The following MYO6 variants were observed in gnomAD, a reference collection of about 807,000 sequenced individuals.
MYO6 encodes the protein myosin VI.
MYO6 carries 74 observed loss-of-function variants against 178.7 expected under a neutral mutation model. The observed-to-expected ratio is 0.41, with a 90% CI of 0.34 to 0.50. The LOEUF is 0.50. Among genes scored for constraint, MYO6 ranks in the 20% least tolerant of loss-of-function variants. The probability of loss-of-function intolerance (pLI) is 0.09; values close to 1 mark genes in which losing one functional copy is unlikely to be tolerated. For synonymous variants in MYO6, 477 were observed against 504.6 expected (o/e 0.95, Z 0.73); for missense variants, 1,330 against 1,547.4 (o/e 0.86, Z 2.36).
At chr6:75,900,336 G>C (rs2149392906) in intron 30 of MYO6, among the ~76,000 whole-genome samples, 1 of 152,238 alleles carries the variant, frequency 6.6e-6, no homozygotes, top group South Asian at 2.1e-4. Context: ...GGTTGAACTA[G>C]TTTACAGTCC....
At chr6:75,905,964 C>T (rs1218574035) in intron 30 of MYO6, among the ~76,000 whole-genome samples, 1 of 152,190 alleles carries the variant, frequency 6.6e-6, no homozygotes, top group Non-Finnish European at 1.5e-5. Flanking sequence ...TCTCAGACAT[C>T]ATTTTTCAAT....
At chr6:75,814,800 A>G (rs554866763) in intron 1 of MYO6, among the ~76,000 whole-genome samples, 8 of 152,008 alleles carry the variant, frequency 5.3e-5, no homozygotes, top group African/African-American at 1.9e-4. Flanking sequence ...TCAAGGTTGC[A>G]GTGAGCCATG....
intron 30 of MYO6, among the ~76,000 whole-genome samples, chr6:75,899,319 CTG>C (rs1779548042): frequency 6.6e-6 from 1 of 152,110 alleles, no homozygotes; most frequent in Non-Finnish European, 1.5e-5. Flanking sequence ...AATTATAAAA[CTG>C]TATATTATGT....
chr6:75,795,661 A>C (rs1237893484), intron 1 of MYO6, among the ~76,000 whole-genome samples: 1 of 152,174 alleles, frequency 6.6e-6, no homozygotes, highest in Non-Finnish European at 1.5e-5. Context: ...TTTTATAGAA[A>C]TCTACTTTAA....
At chr6:75,848,047 T>C (rs1774898949) in intron 10 of MYO6, among the ~76,000 whole-genome samples, 1 of 152,146 alleles carries the variant, frequency 6.6e-6, no homozygotes, top group African/African-American at 2.4e-5. Flanking sequence ...TCTAATATGC[T>C]AGGATTATAA....
chr6:75,804,016 CT>C (rs1769750847), intron 1 of MYO6, among the ~76,000 whole-genome samples: 1 of 152,198 alleles, frequency 6.6e-6, no homozygotes, highest in Non-Finnish European at 1.5e-5. Context: ...GCCTCAGCCT[CT>C]TAAGTAGCTG....
chr6:75,836,087 T>A, intron 7 of MYO6, 131 bp downstream of exon 7: 1 of 727,060 alleles, frequency 1.4e-6, no homozygotes, highest in Non-Finnish European at 2.5e-6. Context: ...TGCTCATATA[T>A]CATCTTGTTA....
At chr6:75,850,415 A>T (rs901044679) in intron 11 of MYO6, among the ~76,000 whole-genome samples, 2 of 152,246 alleles carry the variant, frequency 1.3e-5, no homozygotes, top group African/African-American at 4.8e-5. Context: ...ACCTGTGTTG[A>T]AATGATGCAT....
intron 28 of MYO6, among the ~76,000 whole-genome samples, chr6:75,892,904 A>G (rs1293203868): frequency 6.6e-6 from 1 of 152,222 alleles, no homozygotes; most frequent in Non-Finnish European, 1.5e-5. Flanking sequence ...TTGTTGACAA[A>G]TAAGACTAAA....
At chr6:75,859,288 T>C (rs1775988972) in intron 14 of MYO6, among the ~76,000 whole-genome samples, 1 of 152,080 alleles carries the variant, frequency 6.6e-6, no homozygotes. Context: ...CTTTTTATGA[T>C]TTTGTTGTCT....
At chr6:75,774,816 G>A (rs994974769) in intron 1 of MYO6, among the ~76,000 whole-genome samples, 3 of 150,292 alleles carry the variant, frequency 2.0e-5, no homozygotes, top group African/African-American at 4.9e-5. Context: ...TTTTTTTGAC[G>A]GAGTCTCACT....
At chr6:75,801,367 T>G (rs1583124296) in intron 1 of MYO6, among the ~76,000 whole-genome samples, 3 of 143,980 alleles carry the variant, frequency 2.1e-5, no homozygotes, top group African/African-American at 7.7e-5. Flanking sequence ...AGAGGAGGGG[T>G]GGTTGTTCTT....
At chr6:75,757,971 G>GTTTT (rs757708019) in intron 1 of MYO6, among the ~76,000 whole-genome samples, 1 of 89,940 alleles carries the variant, frequency 1.1e-5, no homozygotes. Context: ...CTTGAAGTTG[G>GTTTT]CTTTTTTTTT....
chr6:75,863,400 GGTAGA>G (rs1162947264), intron 16 of MYO6, among the ~76,000 whole-genome samples: 3 of 151,830 alleles, frequency 2.0e-5, no homozygotes, highest in Admixed American at 1.3e-4. Flanking sequence ...AGAGAGATTA[GGTAGA>G]GTAAAGAGAA....
intron 11 of MYO6, among the ~76,000 whole-genome samples, chr6:75,850,665 G>A (rs900996873): frequency 5.3e-5 from 8 of 152,198 alleles, no homozygotes. Context: ...TGATCCAGAT[G>A]CTTTACCACA....
chr6:75,775,040 C>T (rs1045054810), intron 1 of MYO6, among the ~76,000 whole-genome samples: 17 of 151,986 alleles, frequency 1.1e-4, no homozygotes, highest in African/African-American at 2.9e-4. Context: ...GTGATCTGCC[C>T]GCCTCAGCCT....
intron 12 of MYO6, 132 bp from the exon 13 acceptor site, chr6:75,856,965 G>A (rs1775770330): frequency 1.3e-6 from 1 of 769,124 alleles, no homozygotes; most frequent in South Asian, 1.6e-5. Context: ...CCATTTATCT[G>A]TGCCTATTCT....
At chr6:75,898,148 G>A (rs943386650) in intron 29 of MYO6, among the ~76,000 whole-genome samples, 9 of 152,176 alleles carry the variant, frequency 5.9e-5, no homozygotes, top group Non-Finnish European at 1.0e-4. Context: ...TGCAAAAATG[G>A]AGAGACATTC....
At chr6:75,894,397 T>C (rs1257926319) in intron 28 of MYO6, among the ~76,000 whole-genome samples, 1 of 152,218 alleles carries the variant, frequency 6.6e-6, no homozygotes, top group East Asian at 1.9e-4. Flanking sequence ...GAGCTAGTTT[T>C]AGTTATGTGG....
Sources: gnomAD v4.1 joint callset for allele counts (sites outside exome capture counted in the v4.1 genomes callset) on GRCh38, gnomAD v4.1.1 for gene constraint, MANE v1.5 for transcripts, NCBI Gene and HGNC (gene_info 2026-07-23, HGNC 2026-07-21) for gene names.